Variants in CNTN6 observed in about 807,000 individuals in gnomAD.
CNTN6 encodes the protein contactin-6.
CNTN6 carries 137 observed loss-of-function variants against 122.8 expected under a neutral mutation model. The observed-to-expected ratio is 1.12, with a 90% confidence interval of 0.97 to 1.29. CNTN6 has a LOEUF of 1.29. Ranked by LOEUF, CNTN6 falls within the 50% of genes most tolerant of loss-of-function variation. The pLI, the probability that CNTN6 is intolerant of heterozygous loss-of-function variation, is 0.00. For synonymous variants in CNTN6, 570 were observed against 426.0 expected, an observed-to-expected ratio of 1.34 and a Z score of -4.16; for missense variants, 1,634 against 1,223.4, an observed-to-expected ratio of 1.34 and a Z score of -5.01.
intron 7 of CNTN6, among the ~76,000 whole-genome samples, chr3:1,316,473 A>G (rs1700113117): frequency 6.6e-6 from 1 of 151,918 alleles, no homozygotes; most frequent in Non-Finnish European, 1.5e-5. Flanking sequence ...CACTATCATG[A>G]GAACAGCACC....
chr3:1,321,601 G>C (rs1489835309), intron 7 of CNTN6, 49 bp from the exon 8 acceptor site: 3 of 1,470,282 alleles, frequency 2.0e-6, no homozygotes, highest in Non-Finnish European at 2.7e-6. Flanking sequence ...TTATTTTGCT[G>C]TCATAAAGAT....
At chr3:1,102,920 A>C (rs908698487) in intron 1 of CNTN6, among the ~76,000 whole-genome samples, 1 of 150,764 alleles carries the variant, frequency 6.6e-6, no homozygotes, top group East Asian at 2.0e-4. Flanking sequence ...ATCCTGGCTA[A>C]CACGGTGAAA....
chr3:1,148,048 A>C lies in CNTN6; in HGVS notation c.40A>C (p.Ile14Leu). 1 of 1,608,368 alleles carries C rather than the reference A, an allele frequency of 6.2e-7. No homozygotes were observed. The highest frequency in any genetic ancestry group is 8.5e-7 in the Non-Finnish European group (1 of 1,175,772). ...GAAACTGGTAATTCTGCTGCCACTC[A>C]TAAACTCTTCTGCAGGTAAAGTGTT... ...LWKLVILLPL[I>L]NSSAGDGLLS... Residue 14 changes from isoleucine (I) to leucine (L), a missense_variant, in exon 2 of 23, where the codon ATA becomes CTA. Coordinates refer to ENST00000446702, the MANE Select transcript of CNTN6 (RefSeq NM_001289080.2).
At chr3:1,126,261 C>T (rs2092154852) in intron 1 of CNTN6, among the ~76,000 whole-genome samples, 1 of 151,764 alleles carries the variant, frequency 6.6e-6, no homozygotes, top group African/African-American at 2.4e-5. Context: ...TTTTCAAAAA[C>T]ATGTATATAC....
intron 3 of CNTN6, among the ~76,000 whole-genome samples, chr3:1,222,845 C>T (rs984694021): frequency 1.3e-5 from 2 of 152,112 alleles, no homozygotes; most frequent in Non-Finnish European, 2.9e-5. Flanking sequence ...TCCTGATCCT[C>T]TCTCTCCTCC....
chr3:1,119,406 C>T (rs1369078557), intron 1 of CNTN6, among the ~76,000 whole-genome samples: 1 of 148,198 alleles, frequency 6.7e-6, no homozygotes, highest in Non-Finnish European at 1.5e-5. Flanking sequence ...ATCTTAAAAA[C>T]TCTATGATTA....
Position 1,118,561 on chromosome 3 carries a change from C to A in CNTN6, c.-83+25441C>A, listed in dbSNP as rs145433292. ...TCAACTATCATTCATCTTTATTATT[C>A]TTGTCTCTTGAGGTCATGATTGGTG... On this transcript the variant is annotated intron_variant, in intron 1 of 22. Transcript: ENST00000446702. 2.6e-3 allele frequency among the ~76,000 whole-genome samples: 396 copies of A among 152,122 alleles called. 2 individuals are homozygous for A. Among genetic ancestry groups the A allele is most frequent in the Non-Finnish European group, 2.8e-3 (192 of 67,988 alleles).
chr3:1,298,622 T>C (rs1001210255), intron 7 of CNTN6, among the ~76,000 whole-genome samples: 3 of 152,080 alleles, frequency 2.0e-5, no homozygotes, highest in Admixed American at 6.5e-5. Flanking sequence ...TTTTTGGAGG[T>C]ATACAAATTT....
chr3:1,095,439 C>T (rs1332686772), intron 1 of CNTN6, among the ~76,000 whole-genome samples: 1 of 152,100 alleles, frequency 6.6e-6, no homozygotes, highest in East Asian at 1.9e-4. Flanking sequence ...CCATTGCCCT[C>T]CAGCCTGGGT....
At chr3:1,169,400 G>T (rs2093319840) in intron 2 of CNTN6, among the ~76,000 whole-genome samples, 2 of 152,174 alleles carry the variant, frequency 1.3e-5, no homozygotes, top group Non-Finnish European at 2.9e-5. Flanking sequence ...TTCTGATTCT[G>T]TCCACATTCC....
At chr3:1,104,521 T>C (rs1179686848) in intron 1 of CNTN6, among the ~76,000 whole-genome samples, 2 of 152,144 alleles carry the variant, frequency 1.3e-5, no homozygotes, top group Non-Finnish European at 2.9e-5. Context: ...GTAAAATTTG[T>C]TCAAAATTTG....
intron 11 of CNTN6, among the ~76,000 whole-genome samples, chr3:1,341,425 T>C (rs1449527086): frequency 6.6e-6 from 1 of 152,182 alleles, no homozygotes; most frequent in Non-Finnish European, 1.5e-5. Context: ...CTTTGGCCTA[T>C]TTCACTGGAT....
chr3:1,371,039 C>A (rs902207450), intron 12 of CNTN6, among the ~76,000 whole-genome samples: 2 of 151,524 alleles, frequency 1.3e-5, no homozygotes, highest in Admixed American at 6.6e-5. Flanking sequence ...ACCTTAAAAC[C>A]CCAAATTATT....
rs1463402868 is a variant in CNTN6, at chr3:1,115,612, C to T, written c.-83+22492C>T. Among the ~76,000 whole-genome samples, 3 of 152,122 alleles carry T rather than the reference C, an allele frequency of 2.0e-5. No individual in the cohort carries two copies. The South Asian group carries it at 6.2e-4, about 32-fold the overall frequency. ...AAAATCCAAAAAAAAATTAGCCGGG[C>T]ATGAAGGTGCATGCCTGTAATCCCA... On this transcript the variant is annotated intron_variant, in intron 1 of 22. Transcript: ENST00000446702.
intron 1 of CNTN6, among the ~76,000 whole-genome samples, chr3:1,098,267 G>A (rs1336520919): frequency 6.6e-6 from 1 of 151,220 alleles, no homozygotes; most frequent in South Asian, 2.1e-4. Flanking sequence ...ATAAAAAAAA[G>A]AGAAAGGGTA....
At chr3:1,105,494 G>A (rs1411643635) in intron 1 of CNTN6, among the ~76,000 whole-genome samples, 1 of 152,080 alleles carries the variant, frequency 6.6e-6, no homozygotes, top group Non-Finnish European at 1.5e-5. Flanking sequence ...CTTGAAAAAT[G>A]TTTTATAAAT....
intron 20 of CNTN6, among the ~76,000 whole-genome samples, chr3:1,396,062 T>G (rs779155557): frequency 6.6e-6 from 1 of 152,180 alleles, no homozygotes; most frequent in Non-Finnish European, 1.5e-5. Flanking sequence ...CCTCCTAAAA[T>G]GCCGTCATAC....
chr3:1,134,560 C>G (rs1368395746), intron 1 of CNTN6, among the ~76,000 whole-genome samples: 1 of 152,080 alleles, frequency 6.6e-6, no homozygotes, highest in Non-Finnish European at 1.5e-5. Flanking sequence ...AGTTTTGTCC[C>G]AAGTCACCTA....
chr3:1,255,698 A>G (rs1217540108), intron 4 of CNTN6, among the ~76,000 whole-genome samples: 1 of 152,054 alleles, frequency 6.6e-6, no homozygotes, highest in Non-Finnish European at 1.5e-5. Flanking sequence ...CTTAGAGTCA[A>G]GGTCTCACTC....
Sources: allele counts gnomAD v4.1 joint callset (sites outside exome capture counted in the v4.1 genomes callset), GRCh38; gene constraint gnomAD v4.1.1; transcripts MANE v1.5; gene names NCBI Gene and HGNC (gene_info 2026-07-23, HGNC 2026-07-21).